ANKRD60: variants seen among roughly 807,000 people sequenced by gnomAD.
The protein encoded by ANKRD60 is ankyrin repeat domain-containing protein 60.
Under a neutral mutation model 21.3 loss-of-function variants are expected in ANKRD60, and 24 were observed. The observed-to-expected ratio is 1.13, with a 90% CI of 0.82 to 1.59. The LOEUF (loss-of-function observed/expected upper bound fraction) is 1.59. ANKRD60 is among the 40% of genes most tolerant of loss of function. ANKRD60 has a pLI of 0.00. For synonymous variants in ANKRD60, 182 were observed against 199.4 expected (o/e 0.91, Z 0.74); for missense variants, 490 against 466.7 (o/e 1.05, Z -0.46).
chr20:58,221,629 A>G (rs1984256528), intron 2 of ANKRD60, 126 bp from the exon 3 acceptor site: 1 of 1,097,962 alleles, frequency 9.1e-7, no homozygotes, highest in Non-Finnish European at 1.3e-6. Context: ...ATGGGAAAAG[A>G]GAGGTGCAAA....
intron 3 of ANKRD60, among the ~76,000 whole-genome samples, chr20:58,220,113 C>A (rs1984215634): frequency 6.6e-6 from 1 of 152,162 alleles, no homozygotes; most frequent in African/African-American, 2.4e-5. Flanking sequence ...GAGGCTGGAG[C>A]CAAGGCTGTG....
At position 58,223,185 on chromosome 20, in the gene ANKRD60, G is replaced by A. The variant is rs1304945085; in HGVS notation, c.431-3C>T. On this transcript the variant is annotated splice_region_variant and splice_polypyrimidine_tract_variant and intron_variant, in intron 1 of 3. Coordinates refer to ENST00000457363, the Ensembl canonical transcript of ANKRD60. ...GGTAGTGTCATCCATCAAAACTCCT[G>A]CAGGGAAAAATTTTTTTTCTTTTAA... 2 of 1,534,960 alleles carry A rather than the reference G, an allele frequency of 1.3e-6. No homozygotes were observed. The highest frequency in any genetic ancestry group is 2.5e-5 in the South Asian group (2 of 81,050).
At chr20:58,221,060 G>A (rs957847682) in intron 3 of ANKRD60, among the ~76,000 whole-genome samples, 2 of 152,156 alleles carry the variant, frequency 1.3e-5, no homozygotes, top group Non-Finnish European at 2.9e-5. Context: ...CTTTATAGCT[G>A]CCGCCTGTGT....
intron 2 of ANKRD60, among the ~76,000 whole-genome samples, chr20:58,222,693 C>T (rs1258677786): frequency 2.0e-5 from 3 of 152,226 alleles, no homozygotes; most frequent in Admixed American, 6.5e-5. Flanking sequence ...ACCACAGCCC[C>T]GAGCTCTGAG....
chr20:58,221,588 G>A, intron 2 of ANKRD60, 85 bp from the exon 3 acceptor site: 1 of 1,421,206 alleles, frequency 7.0e-7, no homozygotes, highest in Admixed American at 2.1e-5. Context: ...CTCAGGGGAA[G>A]GCTTGCTTGA....
At chr20:58,225,211 C>T (rs1204276511) in intron 1 of ANKRD60, among the ~76,000 whole-genome samples, 1 of 152,210 alleles carries the variant, frequency 6.6e-6, no homozygotes, top group Non-Finnish European at 1.5e-5. Flanking sequence ...CTCTCTCGCG[C>T]TCCCTCTTAG....
chr20:58,222,557 C>A (rs774449563), intron 2 of ANKRD60, among the ~76,000 whole-genome samples: 3 of 152,210 alleles, frequency 2.0e-5, no homozygotes, highest in South Asian at 2.1e-4. Context: ...TCCTGCCCCC[C>A]ACTGCCCACC....
rs138435985 is a variant in ANKRD60, at chr20:58,218,788, T to A, written c.745A>T (p.Arg249Ter). 3 of 1,539,628 alleles carry A rather than the reference T, an allele frequency of 1.9e-6. No homozygotes were observed. In the East Asian group the frequency reaches 7.4e-5, roughly 38 times the overall value. Reference sequence around the variant, plus strand: ...AGGGGTGTCCTGCCCAGGGGGGATCTGCTGAGGCAGCTGGCTCCTGTAAAA... The same window carrying A: ...AGGGGTGTCCTGCCCAGGGGGGATCAGCTGAGGCAGCTGGCTCCTGTAAAA... Residue 249 changes from arginine (R) to a stop codon, truncating the protein, a stop_gained, in exon 4 of 4, where the codon AGA becomes TGA. Coordinates refer to ENST00000457363, the Ensembl canonical transcript of ANKRD60. LOFTEE classifies it low-confidence loss of function (END_TRUNC).
At chr20:58,216,204 T>C (rs1279230331), downstream of ANKRD60, among the ~76,000 whole-genome samples, 2 of 152,240 alleles carry the variant, frequency 1.3e-5, no homozygotes, top group African/African-American at 2.4e-5. Flanking sequence ...CAGGATTGTC[T>C]AAAATGAAGC....
At chr20:58,217,013 C>A (rs912690387), downstream of ANKRD60, among the ~76,000 whole-genome samples, 20 of 152,292 alleles carry the variant, frequency 1.3e-4, 1 homozygote, top group South Asian at 3.9e-3. Context: ...GTTTCTATCA[C>A]GTTTCTCCAT....
downstream of ANKRD60, among the ~76,000 whole-genome samples, chr20:58,217,102 A>T (rs552232894): frequency 6.6e-6 from 1 of 152,194 alleles, no homozygotes; most frequent in Non-Finnish European, 1.5e-5. Flanking sequence ...GTAGCAGACC[A>T]CGTTCTTCAA....
intron 3 of ANKRD60, among the ~76,000 whole-genome samples, 190 bp from the exon 4 acceptor site, chr20:58,218,995 C>G (rs1984191253): frequency 6.6e-6 from 1 of 152,158 alleles, no homozygotes. Flanking sequence ...CAAACTCCTG[C>G]TCAGATCCAT....
chr20:58,228,332 G>A lies in ANKRD60; in HGVS notation c.322C>T (p.Arg108Ter). The A allele has an allele frequency of 1.3e-6, 2 of 1,549,768 alleles. No homozygotes were observed. Among genetic ancestry groups the A allele is most frequent in the Non-Finnish European group, 8.7e-7 (1 of 1,145,738 alleles). Residue 108 changes from arginine to a stop codon, truncating the protein, a stop_gained, in exon 1 of 4, where the codon CGA becomes TGA. Coordinates refer to ENST00000457363, the Ensembl canonical transcript of ANKRD60. LOFTEE classifies it high-confidence loss of function. This position sits in a 1 kb window ranked among gnomAD's most constrained non-coding sequence, Gnocchi z 5.3. Reference sequence around the variant, plus strand: ...ATGTCGCCGCGGCAGTTTGCCACTCGGAACATCTCCCCCGTCTCCTCCAGC... The same window carrying A: ...ATGTCGCCGCGGCAGTTTGCCACTCAGAACATCTCCCCCGTCTCCTCCAGC...
chr20:58,224,916 T>C (rs1600684943), intron 1 of ANKRD60, among the ~76,000 whole-genome samples: 1 of 152,328 alleles, frequency 6.6e-6, no homozygotes, highest in East Asian at 1.9e-4. Context: ...AGGGCAACCC[T>C]GGCCCATGGA....
rs1369648516 is a variant in ANKRD60 at position 58,228,072 on chromosome 20, C to A, written c.430+152G>T. On this transcript the variant is annotated intron_variant, in intron 1 of 3. Transcript: ENST00000457363. This position sits in a 1 kb window ranked among gnomAD's most constrained non-coding sequence, Gnocchi z 5.3. ...TCTGTGGCCAGGACCCTAAGTGGCC[C>A]TTCCATCTGGGTTTCAGGGTGGTTG... Among the ~76,000 whole-genome samples, 2 of 152,050 alleles carry A rather than the reference C, an allele frequency of 1.3e-5. No individual in the cohort carries two copies. The highest frequency in any genetic ancestry group is 6.5e-5 in the Admixed American group (1 of 15,272).
chr20:58,221,439 C>T, exon 3 of ANKRD60: 1 of 1,552,200 alleles, frequency 6.4e-7, no homozygotes, highest in East Asian at 2.4e-5. Context: ...CCACTTCTCA[C>T]CCTCAAAATG....
chr20:58,218,572 C>A (rs771875883), exon 4 of ANKRD60: 1 of 1,551,752 alleles, frequency 6.4e-7, no homozygotes, highest in South Asian at 1.2e-5. Flanking sequence ...ATGACCAAGT[C>A]ATTCAGATCC....
At chr20:58,225,963 C>G (rs564265067) in intron 1 of ANKRD60, among the ~76,000 whole-genome samples, 7 of 152,248 alleles carry the variant, frequency 4.6e-5, no homozygotes, top group African/African-American at 1.7e-4. Flanking sequence ...CTCTAGGGTG[C>G]CTGGCCTCCA....
chr20:58,221,495 A>G (rs1342824867), exon 3 of ANKRD60: 6 of 1,551,562 alleles, frequency 3.9e-6, no homozygotes, highest in Non-Finnish European at 5.2e-6. Context: ...TAAGCCCGAG[A>G]CAAGATAGCT....
Sources: allele counts gnomAD v4.1 joint callset (sites outside exome capture counted in the v4.1 genomes callset), GRCh38; gene constraint gnomAD v4.1.1; non-coding constraint Gnocchi (gnomAD v3.1); transcripts MANE v1.5; gene names NCBI Gene and HGNC (gene_info 2026-07-23, HGNC 2026-07-21).